The following RABGAP1L variants were observed in gnomAD, a reference collection of about 807,000 sequenced individuals.
The protein encoded by RABGAP1L is RAB GTPase activating protein 1 like.
Under a neutral mutation model 137.7 loss-of-function variants are expected in RABGAP1L, and 63 were observed. That is an observed-to-expected ratio of 0.46 (90% CI 0.37 to 0.56). The LOEUF (loss-of-function observed/expected upper bound fraction) is 0.56, where lower values mean the gene tolerates loss of function less well. Among genes scored for constraint, RABGAP1L ranks in the 20% least tolerant of loss-of-function variants. The probability of loss-of-function intolerance (pLI) is 0.00; values close to 1 mark genes in which losing one functional copy is unlikely to be tolerated. For missense variants in RABGAP1L, 1,095 were observed against 1,244.0 expected (o/e 0.88, Z 1.80); for synonymous variants, 431 against 433.7 (o/e 0.99, Z 0.08).
intron 18 of RABGAP1L, among the ~76,000 whole-genome samples, chr1:174,772,757 C>T (rs1686225928): frequency 6.6e-6 from 1 of 151,980 alleles, no homozygotes. Flanking sequence ...CTCCCCTTAG[C>T]CCCTGGCAGT....
intron 18 of RABGAP1L, among the ~76,000 whole-genome samples, chr1:174,770,246 G>A (rs1349638924): frequency 6.6e-6 from 1 of 152,114 alleles, no homozygotes; most frequent in Non-Finnish European, 1.5e-5. Context: ...TCAGTTTGAT[G>A]ATAGGTTAGT....
At chr1:174,875,811 A>T (rs142691618) in intron 19 of RABGAP1L, 1 of 675,848 alleles carries the variant, frequency 1.5e-6, no homozygotes, top group Non-Finnish European at 1.8e-6. Context: ...CAGGAAAAAA[A>T]TGTTAACGAA....
intron 13 of RABGAP1L, among the ~76,000 whole-genome samples, chr1:174,440,054 T>TTTTATAGTAAG (rs1188895862): frequency 6.6e-6 from 1 of 152,148 alleles, no homozygotes; most frequent in Non-Finnish European, 1.5e-5. Flanking sequence ...AAAAGAAGTG[T>TTTTATAGTAAG]GATGGCCTAG....
chr1:174,784,184 C>T (rs976030682), intron 18 of RABGAP1L, among the ~76,000 whole-genome samples: 1 of 151,204 alleles, frequency 6.6e-6, no homozygotes. Context: ...CACGCCCGGC[C>T]AATTTTTTGT....
intron 7 of RABGAP1L, among the ~76,000 whole-genome samples, chr1:174,262,775 T>C (rs1017767941): frequency 6.6e-6 from 1 of 152,260 alleles, no homozygotes; most frequent in African/African-American, 2.4e-5. Context: ...TTATTGCCCC[T>C]TGGCTCCAAA....
rs190516581 is a variant in RABGAP1L, at chr1:174,567,645, T to C, written c.1711-69730T>C. The stretch of plus-strand genomic sequence containing the variant: ...GTTAGTATATGTGTCTTAACAACAA[T>C]GTAGTATTATAACAGTATAAGTGCT... On this transcript the variant is annotated intron_variant, in intron 13 of 25. Coordinates refer to ENST00000681986, the MANE Select transcript of RABGAP1L (RefSeq NM_001366446.1). 1.1e-3 allele frequency among the ~76,000 whole-genome samples: 160 copies of C among 152,300 alleles called. 1 individual carries two copies. The highest frequency in any genetic ancestry group is 0.01 in the Admixed American group (158 of 15,286).
At chr1:174,481,451 T>A (rs990295794) in intron 13 of RABGAP1L, among the ~76,000 whole-genome samples, 3 of 152,238 alleles carry the variant, frequency 2.0e-5, no homozygotes, top group Non-Finnish European at 4.4e-5. Flanking sequence ...TACTCGTCTC[T>A]GCCTATTTAA....
intron 19 of RABGAP1L, among the ~76,000 whole-genome samples, chr1:174,884,014 AC>A (rs545987413): frequency 5.0e-4 from 76 of 152,320 alleles, no homozygotes; most frequent in African/African-American, 1.8e-3. Context: ...AGGAAAAATG[AC>A]CCATTCTGGC....
At chr1:174,930,645 T>C (rs1230667614) in intron 19 of RABGAP1L, among the ~76,000 whole-genome samples, 1 of 152,190 alleles carries the variant, frequency 6.6e-6, no homozygotes, top group African/African-American at 2.4e-5. Flanking sequence ...TTGTCAAACA[T>C]ACACAAAAGT....
At chr1:174,694,276 G>GC (rs1412959189) in intron 15 of RABGAP1L, among the ~76,000 whole-genome samples, 3 of 151,424 alleles carry the variant, frequency 2.0e-5, no homozygotes, top group African/African-American at 7.3e-5. Flanking sequence ...GTATACATGT[G>GC]CCATGCTGGT....
rs532322605 is a variant in RABGAP1L at position 174,349,261 on chromosome 1, G to A, written c.1466-21718G>A. 6.5e-5 allele frequency among the ~76,000 whole-genome samples: 9 copies of A among 138,806 alleles called. No homozygotes were observed. In the South Asian group the frequency reaches 1.9e-3, roughly 29 times the overall value. 91.1% of individuals were successfully genotyped at this position (138,806 alleles called of 152,430 possible). A position where few individuals can be genotyped will look rare whatever the true frequency, so the allele number is the denominator to read the frequency against. ...CTCCCACCTCCCTCCCGGACGGGGC[G>A]GCTGGCCGGGCAGAGGGGCTCCTCA... On this transcript the variant is annotated intron_variant, in intron 11 of 25. Coordinates refer to ENST00000681986, the MANE Select transcript of RABGAP1L (RefSeq NM_001366446.1).
chr1:174,687,586 C>T (rs1289194183), intron 15 of RABGAP1L, among the ~76,000 whole-genome samples: 4 of 152,142 alleles, frequency 2.6e-5, no homozygotes, highest in African/African-American at 4.8e-5. Context: ...ATTTTTGTCT[C>T]CCTGGTTTAA....
chr1:174,682,363 TA>T (rs1678140794), intron 14 of RABGAP1L, among the ~76,000 whole-genome samples: 2 of 151,204 alleles, frequency 1.3e-5, no homozygotes, highest in Admixed American at 1.3e-4. Context: ...ACTAAATTTT[TA>T]AAAAAATTCT....
chr1:174,710,434 CG>C (rs1051883809), intron 17 of RABGAP1L, among the ~76,000 whole-genome samples: 6 of 152,240 alleles, frequency 3.9e-5, no homozygotes, highest in African/African-American at 1.4e-4. Flanking sequence ...AGAGAAAGGT[CG>C]GGTTACTCAC....
intron 18 of RABGAP1L, among the ~76,000 whole-genome samples, chr1:174,776,569 G>A (rs1425717133): frequency 6.6e-6 from 1 of 152,034 alleles, no homozygotes; most frequent in Non-Finnish European, 1.5e-5. Context: ...TACTTTTGTC[G>A]ACTTGTGGTC....
intron 1 of RABGAP1L, among the ~76,000 whole-genome samples, chr1:174,211,779 TGGAAAA>T (rs1016550095): frequency 5.3e-5 from 8 of 151,924 alleles, no homozygotes; most frequent in Non-Finnish European, 8.8e-5. Context: ...AATAAAAGGA[TGGAAAA>T]AGATATTCCA....
chr1:174,983,213 C>T (rs747422380), intron 24 of RABGAP1L, among the ~76,000 whole-genome samples: 12 of 152,104 alleles, frequency 7.9e-5, no homozygotes, highest in Non-Finnish European at 1.5e-4. Context: ...CCTCAGCAGC[C>T]CACATCTGAC....
chr1:174,470,266 C>G (rs1657762764), intron 13 of RABGAP1L, among the ~76,000 whole-genome samples: 1 of 152,166 alleles, frequency 6.6e-6, no homozygotes, highest in African/African-American at 2.4e-5. Flanking sequence ...CTCTTACTTT[C>G]TAGCCCCTCA....
intron 13 of RABGAP1L, among the ~76,000 whole-genome samples, chr1:174,586,949 C>G (rs1451503366): frequency 6.6e-6 from 1 of 151,932 alleles, no homozygotes; most frequent in Non-Finnish European, 1.5e-5. Flanking sequence ...CTTCCTGTGT[C>G]CATGTGTTCT....
Sources: allele counts gnomAD v4.1 joint callset (sites outside exome capture counted in the v4.1 genomes callset), GRCh38; gene constraint gnomAD v4.1.1; transcripts MANE v1.5; gene names NCBI Gene and HGNC (gene_info 2026-07-23, HGNC 2026-07-21).